TFCP2L1: variants seen among roughly 807,000 people sequenced by gnomAD.
TFCP2L1 encodes transcription factor CP2 like 1.
In TFCP2L1, 12 loss-of-function variants were observed where a neutral mutation model predicts 72.2. That is an observed-to-expected ratio of 0.17 (90% confidence interval 0.11 to 0.27). The LOEUF (loss-of-function observed/expected upper bound fraction) is 0.27, where lower values mean the gene tolerates loss of function less well. Among genes scored for constraint, TFCP2L1 ranks in the 10% least tolerant of loss-of-function variants. The pLI is 1.00. For synonymous variants in TFCP2L1, 260 were observed against 251.0 expected, an observed-to-expected ratio of 1.04 and a Z score of -0.34; for missense variants, 488 against 624.6, an observed-to-expected ratio of 0.78 and a Z score of 2.33.
chr2:121,258,005 G>A (rs1021701583), intron 2 of TFCP2L1, among the ~76,000 whole-genome samples: 8 of 152,130 alleles, frequency 5.3e-5, no homozygotes, highest in Middle Eastern at 3.4e-3. Context: ...GTATGTCGTC[G>A]GTTTTTAATT....
Position 121,222,834 on chromosome 2 carries a change from T to C in TFCP2L1, c.*1507A>G, listed in dbSNP as rs1363486720. On this transcript the variant is annotated 3_prime_UTR_variant, in exon 15 of 15. Coordinates refer to ENST00000263707, the MANE Select transcript of TFCP2L1 (RefSeq NM_014553.3). The stretch of plus-strand genomic sequence containing the variant: ...GTTAACCCACTCCCCGCTTCTCCTC[T>C]AAAGAAGGAAGAGGAATCAGGAGCC... 1 of 152,062 alleles carries C rather than the reference T, an allele frequency of 6.6e-6. No homozygotes were observed. The highest frequency in any genetic ancestry group is 2.4e-5 in the African/African-American group (1 of 41,424). 9.4% of individuals were successfully genotyped at this position (152,062 alleles called of 1,614,324 possible).
intron 3 of TFCP2L1, 22 bp downstream of exon 3, chr2:121,249,549 G>A (rs762843565): frequency 6.2e-7 from 1 of 1,612,904 alleles, no homozygotes; most frequent in South Asian, 1.1e-5. Flanking sequence ...CCGAGGCAAT[G>A]AGAACAGCCT....
chr2:121,242,526 A>G, intron 6 of TFCP2L1, 57 bp from the exon 7 acceptor site: 1 of 1,553,024 alleles, frequency 6.4e-7, no homozygotes, highest in Non-Finnish European at 8.9e-7. Flanking sequence ...AGCAGCCCCC[A>G]AGCCCTCTCC....
chr2:121,252,445 C>T (rs1686630933), intron 2 of TFCP2L1, among the ~76,000 whole-genome samples: 1 of 152,184 alleles, frequency 6.6e-6, no homozygotes, highest in Non-Finnish European at 1.5e-5. Context: ...ACATCCTAAT[C>T]CCCGGAACCT....
chr2:121,243,692 A>C (rs1360220434), intron 6 of TFCP2L1, among the ~76,000 whole-genome samples: 1 of 151,780 alleles, frequency 6.6e-6, no homozygotes, highest in Non-Finnish European at 1.5e-5. Flanking sequence ...GCTCCTTATA[A>C]GAATCTAATG....
At chr2:121,247,793 T>C (rs905228141) in intron 5 of TFCP2L1, among the ~76,000 whole-genome samples, 31 of 152,182 alleles carry the variant, frequency 2.0e-4, no homozygotes, top group Non-Finnish European at 1.6e-4. Flanking sequence ...ACATGGCATA[T>C]AACACAAGGC....
At position 121,248,193 on chromosome 2, in the gene TFCP2L1, G is replaced by A. The variant is rs1686528447; in HGVS notation, c.475C>T (p.Pro159Ser). The change falls in exon 5 of 15, where the codon CCT becomes TCT. Residue 159 changes from proline (P) to serine (S), a missense_variant. Physicochemically the swap from Pro to Ser is moderately conservative, Grantham distance 74 (BLOSUM62 -1). Transcript: ENST00000263707. ...QLNAVEFLWD[P>S]AKRASAFIQV... ...ATGAATGCAGAAGCTCTCTTCGCAG[G>A]GTCCCACAAAAACTCGACTGCATTC... 6.2e-7 allele frequency: 1 copy of A among 1,613,848 alleles called. No individual in the cohort carries two copies. The highest frequency in any genetic ancestry group is 1.3e-5 in the African/African-American group (1 of 74,908).
In TFCP2L1 at chr2:121,231,976, AAGG is replaced by A; in HGVS notation, c.1199-11_1199-9del. On this transcript the variant is annotated splice_polypyrimidine_tract_variant and intron_variant, in intron 12 of 14. Transcript: ENST00000263707. Reference sequence around the variant, plus strand: ...GGAAGATGGCGTGGTACACTGGGGGAAGGAGGAGCAAGTGCTGCTTTCCAAGTG... The same window carrying A: ...GGAAGATGGCGTGGTACACTGGGGGAAGGAGCAAGTGCTGCTTTCCAAGTG... 6.4e-7 allele frequency: 1 copy of A among 1,572,668 alleles called. No homozygotes were observed. The highest frequency in any genetic ancestry group is 8.7e-7 in the Non-Finnish European group (1 of 1,154,480).
At position 121,284,941 on chromosome 2, in the gene TFCP2L1, G is replaced by A. The variant is rs866119175; in HGVS notation, c.62+107C>T. 1.7e-5 allele frequency: 17 copies of A among 988,360 alleles called. No individual in the cohort carries two copies. The South Asian group carries it at 3.7e-4, about 21-fold the overall frequency. 61.2% of individuals were successfully genotyped at this position (988,360 alleles called of 1,614,324 possible). A position where few individuals can be genotyped will look rare whatever the true frequency, so the allele number is the denominator to read the frequency against. The stretch of plus-strand genomic sequence containing the variant: ...TCAGTCCCCAGAGGGCGGACAGCGG[G>A]GAGGCCAGGGCCCAGCAGGGGCGCC... On this transcript the variant is annotated intron_variant, in intron 1 of 14. Coordinates refer to ENST00000263707, the MANE Select transcript of TFCP2L1 (RefSeq NM_014553.3).
At chr2:121,267,711 T>C (rs1229935459) in intron 2 of TFCP2L1, among the ~76,000 whole-genome samples, 1 of 152,106 alleles carries the variant, frequency 6.6e-6, no homozygotes, top group Non-Finnish European at 1.5e-5. Flanking sequence ...GCCAGGATGG[T>C]CTCGAATTCC....
Position 121,221,872 on chromosome 2 carries a change from T to C in TFCP2L1, c.*2469A>G, listed in dbSNP as rs577032885. The C allele has an allele frequency of 1.2e-4, 19 of 152,124 alleles. No individual in the cohort carries two copies. The highest frequency in any genetic ancestry group is 4.6e-4 in the African/African-American group (19 of 41,518). The allele number at this position is 152,124 out of a possible 1,614,324, so 9.4% of individuals were successfully genotyped here. A position where few individuals can be genotyped will look rare whatever the true frequency, so the allele number is the denominator to read the frequency against. ...TCATATACCTGATAAAAGACTGGCG[T>C]CTAGAATATACAAATAGCTCACCCA... On this transcript the variant is annotated 3_prime_UTR_variant, in exon 15 of 15. Transcript: ENST00000263707.
chr2:121,228,456 TA>T (rs35366541), intron 13 of TFCP2L1, among the ~76,000 whole-genome samples: 46,602 of 144,664 alleles, frequency 0.32, 7,412 homozygotes, highest in South Asian at 0.48. Context: ...AAATAGGAGT[TA>T]AAAAAAAAAA....
In TFCP2L1 at chr2:121,221,201, C is replaced by T. The variant is rs1029175634; in HGVS notation, c.*3140G>A. ...ATTCCACTTCTAGGTGATTCAGTTT[C>T]CTCATGACTCATAACAGGAAATCAT... On this transcript the variant is annotated 3_prime_UTR_variant, in exon 15 of 15. Transcript: ENST00000263707. 1.3e-5 allele frequency: 2 copies of T among 152,208 alleles called. No individual in the cohort carries two copies. Among genetic ancestry groups the T allele is most frequent in the Non-Finnish European group, 2.9e-5 (2 of 68,050 alleles). The allele number at this position is 152,208 out of a possible 1,614,324, so 9.4% of individuals were successfully genotyped here.
At position 121,248,221 on chromosome 2, in the gene TFCP2L1, C is replaced by G; in HGVS notation, c.447G>C (p.Gln149His). ...GILDPRASPT[Q>H]LNAVEFLWDP... The stretch of plus-strand genomic sequence containing the variant: ...CCCACAAAAACTCGACTGCATTCAG[C>G]TGGGTCGGGCTGGCCCTGGGGTCCA... Residue 149 changes from glutamine to histidine, a missense_variant, in exon 5 of 15, where the codon CAG becomes CAC. Physicochemically the swap from Gln to His is conservative, Grantham distance 24 (BLOSUM62 0). Transcript: ENST00000263707. The G allele has an allele frequency of 6.2e-7, 1 of 1,614,100 alleles. No individual in the cohort carries two copies. Among genetic ancestry groups the G allele is most frequent in the Non-Finnish European group, 8.5e-7 (1 of 1,180,000 alleles).
chr2:121,262,499 C>A (rs1455410216), intron 2 of TFCP2L1, among the ~76,000 whole-genome samples: 2 of 152,036 alleles, frequency 1.3e-5, no homozygotes, highest in African/African-American at 4.8e-5. Flanking sequence ...TAATAAAGCT[C>A]TTTAAGTCTG....
intron 7 of TFCP2L1, 150 bp from the exon 8 acceptor site, chr2:121,239,799 C>G: frequency 1.2e-6 from 1 of 829,214 alleles, no homozygotes. Context: ...CACAGTGAGC[C>G]ACGGCAAGGC....
intron 2 of TFCP2L1, among the ~76,000 whole-genome samples, chr2:121,259,976 T>TA (rs1353138881): frequency 6.6e-6 from 1 of 152,184 alleles, no homozygotes; most frequent in Non-Finnish European, 1.5e-5. Context: ...ATTTTCCCAG[T>TA]GTCAGGCTGG....
At chr2:121,239,189 G>A (rs1686311150) in intron 8 of TFCP2L1, among the ~76,000 whole-genome samples, 1 of 152,126 alleles carries the variant, frequency 6.6e-6, no homozygotes, top group African/African-American at 2.4e-5. Context: ...CCCACACTCA[G>A]TGACCATGCT....
At chr2:121,249,727 C>T in intron 2 of TFCP2L1, 80 bp from the exon 3 acceptor site, 1 of 1,422,260 alleles carries the variant, frequency 7.0e-7, no homozygotes, top group Non-Finnish European at 9.9e-7. Flanking sequence ...GCCTTCTCAA[C>T]ACCCTCAGTG....
Sources: gnomAD v4.1 joint callset for allele counts (sites outside exome capture counted in the v4.1 genomes callset) on GRCh38, gnomAD v4.1.1 for gene constraint, MANE v1.5 for transcripts, NCBI Gene and HGNC (gene_info 2026-07-23, HGNC 2026-07-21) for gene names.